TVP23A: variants seen among roughly 807,000 people sequenced by gnomAD.
The protein encoded by TVP23A is Golgi apparatus membrane protein TVP23 homolog A.
In TVP23A, 21 loss-of-function variants were observed where a neutral mutation model predicts 31.7. That is an observed-to-expected ratio of 0.66 (90% CI 0.47 to 0.95). TVP23A has a LOEUF of 0.95. TVP23A is among the 40% of genes least tolerant of loss of function. The pLI is 0.00. For synonymous variants in TVP23A, 104 were observed against 96.0 expected, an observed-to-expected ratio of 1.08 and a Z score of -0.49; for missense variants, 279 against 255.6, an observed-to-expected ratio of 1.09 and a Z score of -0.62.
Position 10,766,828 on chromosome 16 carries a change from G to A in TVP23A, c.*2274C>T. ...AGGTACGCCCTATATAAACGAAAAG[G>A]ATGAAGTAAAGTTACAAAGTCATTT... is the stretch of plus-strand genomic sequence containing the variant. On this transcript the variant is annotated 3_prime_UTR_variant, in exon 8 of 8. Coordinates refer to ENST00000299866, the MANE Select transcript of TVP23A (RefSeq NM_001079512.4). This position sits in a 1 kb window ranked among gnomAD's most constrained non-coding sequence, Gnocchi z 4.8. 1 of 397,820 alleles carries A rather than the reference G, an allele frequency of 2.5e-6. No individual in the cohort carries two copies. The highest frequency in any genetic ancestry group is 4.4e-5 in the Admixed American group (1 of 22,736). The allele number at this position is 397,820 out of a possible 1,614,324, so 24.6% of individuals were successfully genotyped here. A position where few individuals can be genotyped will look rare whatever the true frequency, so the allele number is the denominator to read the frequency against.
intron 2 of TVP23A, among the ~76,000 whole-genome samples, chr16:10,809,550 T>C (rs1173350315): frequency 6.6e-6 from 1 of 152,218 alleles, no homozygotes; most frequent in Admixed American, 6.5e-5. Flanking sequence ...ATTCTTGCAG[T>C]AGTAGAGCAA....
At chr16:10,812,418 A>T (rs912404960) in intron 2 of TVP23A, among the ~76,000 whole-genome samples, 1 of 152,248 alleles carries the variant, frequency 6.6e-6, no homozygotes, top group Non-Finnish European at 1.5e-5. Flanking sequence ...TATATGGCCA[A>T]AAGAATTGAA....
At chr16:10,797,678 C>T (rs1018659025) in intron 2 of TVP23A, among the ~76,000 whole-genome samples, 18 of 151,962 alleles carry the variant, frequency 1.2e-4, no homozygotes, top group African/African-American at 4.1e-4. Flanking sequence ...TAAGATCATG[C>T]CACTGAACTC....
downstream of TVP23A, among the ~76,000 whole-genome samples, chr16:10,758,268 C>T (rs576966153): frequency 2.0e-5 from 3 of 152,222 alleles, no homozygotes; most frequent in African/African-American, 7.2e-5. Flanking sequence ...CCCACGAGTT[C>T]GGGACCAGCC....
chr16:10,808,294 C>A (rs2034036139), intron 2 of TVP23A, among the ~76,000 whole-genome samples: 1 of 152,160 alleles, frequency 6.6e-6, no homozygotes, highest in Non-Finnish European at 1.5e-5. Context: ...GCTTTTGTAT[C>A]CAATGGCAGA....
chr16:10,803,224 C>T (rs2142998647), intron 2 of TVP23A, among the ~76,000 whole-genome samples: 1 of 142,914 alleles, frequency 7.0e-6, no homozygotes, highest in African/African-American at 2.7e-5. Context: ...GCGGAGGTTG[C>T]AGTGAGCCGA....
At chr16:10,789,149 C>T (rs1234188600) in intron 2 of TVP23A, among the ~76,000 whole-genome samples, 1 of 152,138 alleles carries the variant, frequency 6.6e-6, no homozygotes, top group Admixed American at 6.6e-5. Context: ...TTTTATATCA[C>T]AGATGATGCC....
At chr16:10,806,954 G>C (rs1396953784) in intron 2 of TVP23A, among the ~76,000 whole-genome samples, 4 of 152,210 alleles carry the variant, frequency 2.6e-5, no homozygotes, top group African/African-American at 9.6e-5. Context: ...AATTTGTCTA[G>C]TTCCGTGATT....
intron 5 of TVP23A, 74 bp downstream of exon 5, chr16:10,773,239 A>G: frequency 1.3e-6 from 2 of 1,503,094 alleles, no homozygotes; most frequent in Non-Finnish European, 1.8e-6. Flanking sequence ...ACAAATAACA[A>G]CAAAAGCCTA....
intron 2 of TVP23A, among the ~76,000 whole-genome samples, chr16:10,815,332 A>T (rs2034390466): frequency 6.6e-6 from 1 of 152,174 alleles, no homozygotes; most frequent in African/African-American, 2.4e-5. Context: ...GAACTGCTTG[A>T]ACCCAAGAGG....
chr16:10,787,589 C>T (rs1397311594), intron 2 of TVP23A, among the ~76,000 whole-genome samples: 2 of 152,094 alleles, frequency 1.3e-5, no homozygotes, highest in African/African-American at 2.4e-5. Context: ...AATGTCACCC[C>T]GGTCCAACCA....
downstream of TVP23A, among the ~76,000 whole-genome samples, chr16:10,763,368 G>C (rs986127591): frequency 4.6e-5 from 7 of 152,124 alleles, no homozygotes; most frequent in Non-Finnish European, 8.8e-5. Flanking sequence ...TAGGGTGCGA[G>C]GGCCACTCTG....
rs146714312 is a variant in TVP23A, at chr16:10,772,085, A to G, written c.454-287T>C. On this transcript the variant is annotated intron_variant, in intron 5 of 7. Transcript: ENST00000299866. Reference sequence around the variant, plus strand: ...TTTCTAAGAGCATTTACAGAAATGCACCTCTCAAGCCACGTAGAAATGCTC... The same window carrying G: ...TTTCTAAGAGCATTTACAGAAATGCGCCTCTCAAGCCACGTAGAAATGCTC... Among the ~76,000 whole-genome samples, 887 of 152,296 alleles carry G rather than the reference A, an allele frequency of 5.8e-3. 8 individuals carry two copies. Among genetic ancestry groups the G allele is most frequent in the African/African-American group, 0.02 (843 of 41,564 alleles).
At position 10,807,166 on chromosome 16, in the gene TVP23A, C is replaced by T. The variant is rs1280634499; in HGVS notation, c.89+10937G>A. 3.3e-5 allele frequency among the ~76,000 whole-genome samples: 5 copies of T among 152,134 alleles called. No homozygotes were observed. In the East Asian group the frequency reaches 9.6e-4, roughly 29 times the overall value. On this transcript the variant is annotated intron_variant, in intron 2 of 7. Transcript: ENST00000299866. ...TCACTCATTGAGGTGAGCAGAACTC[C>T]TGGAAAATCAACAAAGAAAAACTAA...
At chr16:10,795,213 C>T (rs2033319607) in intron 2 of TVP23A, among the ~76,000 whole-genome samples, 1 of 150,788 alleles carries the variant, frequency 6.6e-6, no homozygotes, top group Admixed American at 6.6e-5. Context: ...ATTTGAGTAG[C>T]AATAACAATA....
chr16:10,818,338 CA>C lies in TVP23A; in HGVS notation c.9+146del. The C allele has an allele frequency of 7.2e-7, 1 of 1,382,830 alleles. No individual in the cohort carries two copies. Among genetic ancestry groups the C allele is most frequent in the South Asian group, 1.3e-5 (1 of 77,846 alleles). The allele number at this position is 1,382,830 out of a possible 1,614,324, so 85.7% of individuals were successfully genotyped here. A position where few individuals can be genotyped will look rare whatever the true frequency, so the allele number is the denominator to read the frequency against. ...GGGCCCCTCCGCTGCGGCTGCAGTG[CA>C]AAGCCCTCTCCACCCTCCCGACCAC... On this transcript the variant is annotated intron_variant, in intron 1 of 7. Coordinates refer to ENST00000299866, the MANE Select transcript of TVP23A (RefSeq NM_001079512.4). The surrounding 1 kb of genome is among the most constrained non-coding windows in gnomAD (Gnocchi z 4.7).
downstream of TVP23A, among the ~76,000 whole-genome samples, chr16:10,763,356 G>A (rs561994388): frequency 6.6e-6 from 1 of 152,204 alleles, no homozygotes; most frequent in East Asian, 1.9e-4. Flanking sequence ...GTGGTAGGGG[G>A]GTAGGGTGCG....
Position 10,766,676 on chromosome 16 carries a change from A to G in TVP23A, c.*2426T>C, listed in dbSNP as rs369173441. ...AAAAAATTGGACAAAACGCACAAAGAAAGGAAGGAAGGAAGGGATTTATTG... is the reference window on the plus strand; with the variant it reads ...AAAAAATTGGACAAAACGCACAAAGGAAGGAAGGAAGGAAGGGATTTATTG... On this transcript the variant is annotated 3_prime_UTR_variant, in exon 8 of 8. Transcript: ENST00000299866. The surrounding 1 kb of genome is among the most constrained non-coding windows in gnomAD (Gnocchi z 4.8). 14 of 329,480 alleles carry G rather than the reference A, an allele frequency of 4.2e-5. No homozygotes were observed. The highest frequency in any genetic ancestry group is 1.5e-4 in the African/African-American group (7 of 46,846). The allele number at this position is 329,480 out of a possible 1,614,324, so 20.4% of individuals were successfully genotyped here. A position where few individuals can be genotyped will look rare whatever the true frequency, so the allele number is the denominator to read the frequency against.
rs1207316496 is a variant in TVP23A at position 10,767,412 on chromosome 16, G to A, written c.*1690C>T. Reference sequence around the variant, plus strand: ...GAAGATAAAATTATACACAGACAAAGCAGCAGGCAGAATGTGTGTGTCATG... The same window carrying A: ...GAAGATAAAATTATACACAGACAAAACAGCAGGCAGAATGTGTGTGTCATG... On this transcript the variant is annotated 3_prime_UTR_variant, in exon 8 of 8. Coordinates refer to ENST00000299866, the MANE Select transcript of TVP23A (RefSeq NM_001079512.4). The surrounding 1 kb of genome is among the most constrained non-coding windows in gnomAD (Gnocchi z 4.6). 1.0e-5 allele frequency: 4 copies of A among 400,036 alleles called. No individual in the cohort carries two copies. The Admixed American group carries it at 1.7e-4, about 17-fold the overall frequency. 24.8% of individuals were successfully genotyped at this position (400,036 alleles called of 1,614,324 possible). A position where few individuals can be genotyped will look rare whatever the true frequency, so the allele number is the denominator to read the frequency against.
Sources: gnomAD v4.1 joint callset for allele counts (sites outside exome capture counted in the v4.1 genomes callset) on GRCh38, gnomAD v4.1.1 for gene constraint, Gnocchi (gnomAD v3.1) non-coding constraint, MANE v1.5 for transcripts, NCBI Gene and HGNC (gene_info 2026-07-23, HGNC 2026-07-21) for gene names.